Variants in OSBPL8 observed in about 807,000 individuals in gnomAD.
OSBPL8 encodes the protein oxysterol-binding protein-related protein 8.
OSBPL8 carries 59 observed loss-of-function variants against 125.5 expected under a neutral mutation model. The ratio of observed to expected loss-of-function variants is 0.47; its 90% CI spans 0.38 to 0.58. OSBPL8 has a LOEUF of 0.58. OSBPL8 is among the 20% of genes least tolerant of loss of function. OSBPL8 has a pLI of 0.00. For missense variants in OSBPL8, 758 were observed against 1,047.8 expected (o/e 0.72, Z 3.82); for synonymous variants, 330 against 338.9 (o/e 0.97, Z 0.29).
intron 1 of OSBPL8, among the ~76,000 whole-genome samples, chr12:76,519,196 C>T (rs1028111300): frequency 3.3e-5 from 5 of 152,198 alleles, no homozygotes; most frequent in African/African-American, 9.7e-5. Flanking sequence ...GAAATGTCTT[C>T]CACCAGATAC....
intron 1 of OSBPL8, among the ~76,000 whole-genome samples, chr12:76,555,728 G>T (rs916654367): frequency 9.2e-5 from 14 of 152,172 alleles, no homozygotes; most frequent in Non-Finnish European, 1.6e-4. Flanking sequence ...GCTTGTATAA[G>T]ATTCAGTCAG....
At chr12:76,357,266 TTTTAAAAATAGGGATAATAA>T (rs765615827) in intron 22 of OSBPL8, among the ~76,000 whole-genome samples, 1 of 152,196 alleles carries the variant, frequency 6.6e-6, no homozygotes, top group Non-Finnish European at 1.5e-5. Flanking sequence ...AGCTTTCTCA[TTTTAAAAATAGGGATAATAA>T]TACCAGACTT....
Position 76,450,757 on chromosome 12 carries a change from A to C in OSBPL8, c.217+94T>G, listed in dbSNP as rs1820944810. On this transcript the variant is annotated intron_variant, in intron 4 of 23. Coordinates refer to ENST00000261183, the MANE Select transcript of OSBPL8 (RefSeq NM_020841.5). ...ACAAAACCAAATAGTTAAAAAGAAAAAAAATATGATAGTCCCCAAATGTCA... is the reference window on the plus strand; with the variant it reads ...ACAAAACCAAATAGTTAAAAAGAAACAAAATATGATAGTCCCCAAATGTCA... The C allele has an allele frequency of 1.5e-5, 20 of 1,312,844 alleles. No individual in the cohort carries two copies. In the South Asian group the frequency reaches 3.1e-4, roughly 21 times the overall value. The allele number at this position is 1,312,844 out of a possible 1,614,324, so 81.3% of individuals were successfully genotyped here.
At chr12:76,495,307 G>A (rs1283228085) in intron 1 of OSBPL8, among the ~76,000 whole-genome samples, 1 of 152,174 alleles carries the variant, frequency 6.6e-6, no homozygotes, top group African/African-American at 2.4e-5. Context: ...ACATTAGGAA[G>A]AACATGGTCA....
chr12:76,451,090 G>A, intron 3 of OSBPL8, 102 bp from the exon 4 acceptor site: 1 of 1,241,822 alleles, frequency 8.1e-7, no homozygotes, highest in Non-Finnish European at 1.1e-6. Context: ...TGGCCTTGGT[G>A]GTTATATTCA....
At chr12:76,482,640 C>T (rs556715042) in intron 2 of OSBPL8, among the ~76,000 whole-genome samples, 1 of 152,136 alleles carries the variant, frequency 6.6e-6, no homozygotes, top group East Asian at 1.9e-4. Flanking sequence ...GATAGAGTGA[C>T]TATCCTTAAG....
At chr12:76,359,337 T>G (rs971167948) in intron 21 of OSBPL8, among the ~76,000 whole-genome samples, 3 of 152,212 alleles carry the variant, frequency 2.0e-5, no homozygotes, top group African/African-American at 4.8e-5. Flanking sequence ...AAGTATCTTA[T>G]AATAAATAAA....
intron 4 of OSBPL8, among the ~76,000 whole-genome samples, chr12:76,426,288 C>T (rs956455891): frequency 6.6e-6 from 1 of 152,172 alleles, no homozygotes; most frequent in African/African-American, 2.4e-5. Flanking sequence ...TATAAATATT[C>T]ACTGCTTATG....
chr12:76,360,804 T>C (rs2136139794), intron 21 of OSBPL8, among the ~76,000 whole-genome samples: 1 of 152,342 alleles, frequency 6.6e-6, no homozygotes, highest in South Asian at 2.1e-4. Flanking sequence ...TGGGCAGAGC[T>C]GTAACTTGGC....
intron 1 of OSBPL8, among the ~76,000 whole-genome samples, chr12:76,530,523 CTT>C (rs1950306577): frequency 6.6e-6 from 1 of 152,190 alleles, no homozygotes; most frequent in Non-Finnish European, 1.5e-5. Context: ...TCCTCCCATT[CTT>C]TTATTCATCT....
Position 76,534,598 on chromosome 12 carries a change from T to G in OSBPL8, c.-68+24799A>C, listed in dbSNP as rs529988071. Among the ~76,000 whole-genome samples the G allele has an allele frequency of 2.0e-5, 3 of 152,276 alleles. No homozygotes were observed. The South Asian group carries it at 6.2e-4, about 32-fold the overall frequency. ...AAAATAACAAGCAGGAAGTCCCTGGTGGTGGCAACATCTTGGAAAGCAGAA... is the reference window on the plus strand; with the variant it reads ...AAAATAACAAGCAGGAAGTCCCTGGGGGTGGCAACATCTTGGAAAGCAGAA... On this transcript the variant is annotated intron_variant, in intron 1 of 23. Coordinates refer to ENST00000261183, the MANE Select transcript of OSBPL8 (RefSeq NM_020841.5).
intron 5 of OSBPL8, among the ~76,000 whole-genome samples, chr12:76,404,616 AAGAT>A (rs2136375056): frequency 1.3e-5 from 2 of 152,294 alleles, no homozygotes; most frequent in African/African-American, 4.8e-5. Flanking sequence ...GAAGATAACA[AAGAT>A]AGACCTTTCT....
intron 1 of OSBPL8, among the ~76,000 whole-genome samples, chr12:76,528,714 T>TTAGCTA (rs1169877169): frequency 1.6e-4 from 25 of 152,052 alleles, no homozygotes; most frequent in African/African-American, 5.6e-4. Context: ...AGCTATAGTA[T>TTAGCTA]TAGCTATAGC....
rs78870417 is a variant in OSBPL8 at position 76,467,313 on chromosome 12, T to C, written c.43-7418A>G. Among the ~76,000 whole-genome samples, 391 of 152,306 alleles carry C rather than the reference T, an allele frequency of 2.6e-3. 8 individuals carry two copies. In the East Asian group the frequency reaches 0.044, roughly 17 times the overall value. The stretch of plus-strand genomic sequence containing the variant: ...ACCTGCTCTTTTCCTGCAGGTTCCA[T>C]TGATGCTCAAGGCTCATTTATCACC... On this transcript the variant is annotated intron_variant, in intron 2 of 23. Transcript: ENST00000261183.
At position 76,356,690 on chromosome 12, in the gene OSBPL8, T is replaced by C. The variant is rs1000453145; in HGVS notation, c.2473A>G (p.Ile825Val). 7 of 1,610,106 alleles carry C rather than the reference T, an allele frequency of 4.3e-6. No individual in the cohort carries two copies. In the South Asian group the frequency reaches 7.7e-5, roughly 18 times the overall value. ...VKPSTRRKKG[I>V]ELGDIQSSIE... ...GAACTCTGAATGTCTCCCAGTTCTA[T>C]TCCTTTCTTTCTTCTTGTACTTGGT... Residue 825 changes from isoleucine (I) to valine (V), a missense_variant, in exon 23 of 24, where the codon ATA (isoleucine) becomes GTA (valine). Around this residue, in one of 3 missense-constraint regions of OSBPL8, gnomAD observed 572 missense variants for 762.0 expected, o/e 0.75. Transcript: ENST00000261183.
At chr12:76,396,712 C>T (rs1443771173) in intron 8 of OSBPL8, among the ~76,000 whole-genome samples, 2 of 152,272 alleles carry the variant, frequency 1.3e-5, no homozygotes, top group East Asian at 1.9e-4. Context: ...AATGATCATG[C>T]CACTGCAGTC....
At chr12:76,455,218 G>A (rs1325185979) in intron 3 of OSBPL8, among the ~76,000 whole-genome samples, 1 of 151,858 alleles carries the variant, frequency 6.6e-6, no homozygotes, top group African/African-American at 2.4e-5. Context: ...ACTCCAGTCT[G>A]GGCGACAGAG....
intron 1 of OSBPL8, among the ~76,000 whole-genome samples, chr12:76,524,213 A>G (rs1950102514): frequency 6.6e-6 from 1 of 152,218 alleles, no homozygotes; most frequent in Non-Finnish European, 1.5e-5. Context: ...CATAAGCACC[A>G]AACTATAACC....
chr12:76,545,472 C>A (rs948420135), intron 1 of OSBPL8, among the ~76,000 whole-genome samples: 1 of 152,116 alleles, frequency 6.6e-6, no homozygotes, highest in Non-Finnish European at 1.5e-5. Context: ...CTTAAGCTGA[C>A]GGTTCATTAC....
Sources: gnomAD v4.1 joint callset for allele counts (sites outside exome capture counted in the v4.1 genomes callset) on GRCh38, gnomAD v4.1.1 for gene constraint, gnomAD v4.1.1 regional missense constraint, MANE v1.5 for transcripts, NCBI Gene and HGNC (gene_info 2026-07-23, HGNC 2026-07-21) for gene names.